Variants in WDFY3 observed in about 807,000 individuals in gnomAD.
WDFY3 encodes the protein WD repeat and FYVE domain containing 3, also known as WD repeat and FYVE domain-containing protein 3.
WDFY3 carries 66 observed loss-of-function variants against 409.6 expected under a neutral mutation model. That is an observed-to-expected ratio of 0.16 (90% CI 0.13 to 0.20). The LOEUF is 0.20. Ranked by LOEUF, WDFY3 falls within the 10% of genes least tolerant of loss-of-function variation. The pLI, the probability that WDFY3 is intolerant of heterozygous loss-of-function variation, is 1.00. For synonymous variants in WDFY3, 1,521 were observed against 1,537.1 expected, an observed-to-expected ratio of 0.99 and a Z score of 0.25; for missense variants, 3,031 against 4,298.1, an observed-to-expected ratio of 0.71 and a Z score of 8.24.
chr4:84,700,627 G>C (rs1201519102), intron 56 of WDFY3, among the ~76,000 whole-genome samples: 2 of 152,138 alleles, frequency 1.3e-5, no homozygotes, highest in Non-Finnish European at 2.9e-5. Flanking sequence ...TGGTTAGTTG[G>C]GTTTGTAAGT....
intron 24 of WDFY3, among the ~76,000 whole-genome samples, chr4:84,785,735 T>C (rs1747438742): frequency 6.6e-6 from 1 of 152,220 alleles, no homozygotes; most frequent in South Asian, 2.1e-4. Flanking sequence ...AATTTCTTAA[T>C]TGCCAATATA....
At chr4:84,849,800 T>G in intron 5 of WDFY3, 102 bp downstream of exon 5, 1 of 1,482,932 alleles carries the variant, frequency 6.7e-7, no homozygotes, top group Non-Finnish European at 9.1e-7. Context: ...GAACTCAATG[T>G]GCTGAGAACA....
In WDFY3 at chr4:84,733,370, C is replaced by T; in HGVS notation, c.7221+12G>A. On this transcript the variant is annotated intron_variant, in intron 44 of 67. Coordinates refer to ENST00000295888, the MANE Select transcript of WDFY3 (RefSeq NM_014991.6). Reference sequence around the variant, plus strand: ...AAAGAGCCATTGTGATCATTGAATTCTGCATACTCACCGCCACATTTGTCT... The same window carrying T: ...AAAGAGCCATTGTGATCATTGAATTTTGCATACTCACCGCCACATTTGTCT... 1 of 1,612,414 alleles carries T rather than the reference C, an allele frequency of 6.2e-7. No individual in the cohort carries two copies. The highest frequency in any genetic ancestry group is 8.5e-7 in the Non-Finnish European group (1 of 1,178,744).
At position 84,671,124 on chromosome 4, in the gene WDFY3, TATC is replaced by T. The variant is rs1348078632; in HGVS notation, c.*1741_*1743del. On this transcript the variant is annotated 3_prime_UTR_variant, in exon 68 of 68. Coordinates refer to ENST00000295888, the MANE Select transcript of WDFY3 (RefSeq NM_014991.6). ...TTCTATTTTCTCTTGGAGACCTAGT[TATC>T]ATATCAGGAAGAACAAATTTGTTCT... 6 of 152,640 alleles carry T rather than the reference TATC, an allele frequency of 3.9e-5. No individual in the cohort carries two copies. Among genetic ancestry groups the T allele is most frequent in the Admixed American group, 3.9e-4 (6 of 15,272 alleles). 9.5% of individuals were successfully genotyped at this position (152,640 alleles called of 1,614,324 possible).
intron 5 of WDFY3, among the ~76,000 whole-genome samples, chr4:84,846,263 G>A (rs1002978809): frequency 6.6e-6 from 1 of 151,986 alleles, no homozygotes; most frequent in Admixed American, 6.6e-5. Context: ...AAAATCCCTA[G>A]TTAATAAGAT....
chr4:84,939,720 AT>A (rs1771876973), intron 1 of WDFY3, among the ~76,000 whole-genome samples: 1 of 151,800 alleles, frequency 6.6e-6, no homozygotes, highest in Non-Finnish European at 1.5e-5. Flanking sequence ...ACATGTTCTT[AT>A]TTAAAAAAAA....
chr4:84,679,736 C>T (rs550701924), intron 64 of WDFY3, among the ~76,000 whole-genome samples: 2 of 152,084 alleles, frequency 1.3e-5, no homozygotes, highest in East Asian at 3.9e-4. Flanking sequence ...AAAGTATTCT[C>T]CCCCTTTTCT....
At chr4:84,902,406 A>C (rs1172677549) in intron 2 of WDFY3, among the ~76,000 whole-genome samples, 1 of 152,192 alleles carries the variant, frequency 6.6e-6, no homozygotes, top group African/African-American at 2.4e-5. Flanking sequence ...TTTAAAACCC[A>C]ATATGAAAAA....
intron 3 of WDFY3, among the ~76,000 whole-genome samples, chr4:84,876,143 G>A (rs1280616251): frequency 2.0e-5 from 3 of 152,156 alleles, no homozygotes; most frequent in African/African-American, 7.2e-5. Flanking sequence ...CCATGAACAC[G>A]TGAGTTGTGC....
intron 30 of WDFY3, among the ~76,000 whole-genome samples, chr4:84,769,564 G>A (rs1744269900): frequency 6.6e-6 from 1 of 151,930 alleles, no homozygotes; most frequent in Non-Finnish European, 1.5e-5. Context: ...ACAGGTGACT[G>A]CCACCATGCC....
At chr4:84,828,944 T>A in intron 9 of WDFY3, 60 bp downstream of exon 9, 1 of 1,456,758 alleles carries the variant, frequency 6.9e-7, no homozygotes, top group East Asian at 2.4e-5. Flanking sequence ...CACATTGTTT[T>A]CTTTGATAAA....
rs138963093 is a variant in WDFY3 at position 84,858,849 on chromosome 4, A to G, written c.180+1563T>C. ...GGAGATAGATCTGGAAAAAGGGGAG[A>G]AGAAAAAGAGACAGGGGAGAGTCAG... On this transcript the variant is annotated intron_variant, in intron 4 of 67. Coordinates refer to ENST00000295888, the MANE Select transcript of WDFY3 (RefSeq NM_014991.6). Among the ~76,000 whole-genome samples the G allele has an allele frequency of 2.6e-5, 4 of 152,050 alleles. No individual in the cohort carries two copies. The East Asian group carries it at 7.7e-4, about 29-fold the overall frequency.
chr4:84,681,724 T>C (rs377098036), intron 64 of WDFY3, among the ~76,000 whole-genome samples: 6 of 151,764 alleles, frequency 4.0e-5, no homozygotes, highest in African/African-American at 1.4e-4. Context: ...GTTCCACTGT[T>C]CTACATCAAA....
At chr4:84,936,326 C>T (rs1384520441) in intron 1 of WDFY3, among the ~76,000 whole-genome samples, 1 of 152,066 alleles carries the variant, frequency 6.6e-6, no homozygotes, top group Non-Finnish European at 1.5e-5. Flanking sequence ...TTTGATACCA[C>T]ACTGGGCAAC....
At chr4:84,859,141 A>G (rs977683962) in intron 4 of WDFY3, among the ~76,000 whole-genome samples, 1 of 152,118 alleles carries the variant, frequency 6.6e-6, no homozygotes, top group African/African-American at 2.4e-5. Context: ...CAGAGAAAGA[A>G]ATTGAGACAG....
chr4:84,775,955 T>TA (rs762798640), intron 27 of WDFY3, among the ~76,000 whole-genome samples: 70 of 151,288 alleles, frequency 4.6e-4, no homozygotes, highest in Middle Eastern at 6.8e-3. Flanking sequence ...ACAGAAATGT[T>TA]AAAAAAAAAT....
At chr4:84,957,587 G>C (rs1045105378) in intron 1 of WDFY3, among the ~76,000 whole-genome samples, 9 of 152,164 alleles carry the variant, frequency 5.9e-5, no homozygotes, top group Admixed American at 2.6e-4. Flanking sequence ...GGGGAATTTG[G>C]AGTTAATGGT....
intron 3 of WDFY3, among the ~76,000 whole-genome samples, chr4:84,889,803 A>C (rs1561011377): frequency 6.6e-6 from 1 of 152,212 alleles, no homozygotes; most frequent in African/African-American, 2.4e-5. Context: ...GAAGGCAATC[A>C]ATGTTTAGTT....
intron 5 of WDFY3, among the ~76,000 whole-genome samples, chr4:84,843,607 C>CA (rs1036655022): frequency 6.6e-6 from 1 of 152,110 alleles, no homozygotes; most frequent in Non-Finnish European, 1.5e-5. Flanking sequence ...CTGTGTTGCC[C>CA]AGGCTGGTCT....
Sources: gnomAD v4.1 joint callset for allele counts (sites outside exome capture counted in the v4.1 genomes callset) on GRCh38, gnomAD v4.1.1 for gene constraint, MANE v1.5 for transcripts, NCBI Gene and HGNC (gene_info 2026-07-23, HGNC 2026-07-21) for gene names.